The following ERC1 variants were observed in gnomAD, a reference collection of about 807,000 sequenced individuals.
ERC1 encodes the protein RAB6 interacting protein 2.
Under a neutral mutation model 132.0 loss-of-function variants are expected in ERC1, and 56 were observed. That is an observed-to-expected ratio of 0.42 (90% CI 0.34 to 0.53). The LOEUF (loss-of-function observed/expected upper bound fraction) is 0.53, where lower values mean the gene tolerates loss of function less well. Ranked by LOEUF, ERC1 falls within the 20% of genes least tolerant of loss-of-function variation. The probability of loss-of-function intolerance (pLI) is 0.03; values close to 1 mark genes in which losing one functional copy is unlikely to be tolerated. For missense variants in ERC1, 1,202 were observed against 1,349.9 expected (o/e 0.89, Z 1.72); for synonymous variants, 478 against 476.1 (o/e 1.00, Z -0.05).
At chr12:1,155,878 TAAATAA>T (rs1196397655) in intron 8 of ERC1, among the ~76,000 whole-genome samples, 3 of 151,662 alleles carry the variant, frequency 2.0e-5, no homozygotes, top group African/African-American at 7.3e-5. Context: ...AAAAAATAAA[TAAATAA>T]AAATAAAAAT....
chr12:1,405,620 T>G (rs1443110595), intron 16 of ERC1, among the ~76,000 whole-genome samples: 1 of 152,134 alleles, frequency 6.6e-6, no homozygotes, highest in Non-Finnish European at 1.5e-5. Context: ...GGAGAATCAC[T>G]TGAACCCAGG....
chr12:1,060,175 C>CTTTTTTTTTTTTTTTTTT (rs563850203), intron 2 of ERC1, among the ~76,000 whole-genome samples: 2 of 144,168 alleles, frequency 1.4e-5, no homozygotes, highest in Non-Finnish European at 1.5e-5. Flanking sequence ...AAGGCCACTT[C>CTTTTTTTTTTTTTTTTTT]TTTTTTTTTT....
chr12:1,315,052 G>GTTTA (rs746330133), intron 15 of ERC1, among the ~76,000 whole-genome samples: 14 of 151,978 alleles, frequency 9.2e-5, no homozygotes, highest in Non-Finnish European at 1.9e-4. Flanking sequence ...TTATTTATTT[G>GTTTA]TTTATTTATT....
chr12:1,062,294 T>C (rs1248078169), intron 2 of ERC1, among the ~76,000 whole-genome samples: 4 of 152,080 alleles, frequency 2.6e-5, no homozygotes, highest in Non-Finnish European at 5.9e-5. Context: ...TTCTTTTCTT[T>C]TTTTGAAAAT....
At chr12:1,135,155 G>A (rs143027012) in intron 7 of ERC1, among the ~76,000 whole-genome samples, 634 of 152,266 alleles carry the variant, frequency 4.2e-3, no homozygotes, top group Admixed American at 9.1e-3. Flanking sequence ...TTGCCCAAAG[G>A]GGGCTTGGGA....
At chr12:1,243,766 G>A (rs2075984573) in intron 13 of ERC1, among the ~76,000 whole-genome samples, 1 of 152,142 alleles carries the variant, frequency 6.6e-6, no homozygotes, top group African/African-American at 2.4e-5. Flanking sequence ...TCTCCGGATA[G>A]CCCCCACGGC....
intron 18 of ERC1, among the ~76,000 whole-genome samples, chr12:1,460,205 A>G (rs2093617578): frequency 1.3e-5 from 2 of 152,226 alleles, no homozygotes; most frequent in Non-Finnish European, 2.9e-5. Flanking sequence ...ACTTTCTGGT[A>G]TAAGATGTTC....
intron 15 of ERC1, among the ~76,000 whole-genome samples, chr12:1,314,676 A>T (rs779837521): frequency 6.6e-6 from 1 of 152,238 alleles, no homozygotes; most frequent in Non-Finnish European, 1.5e-5. Context: ...CTTTCTAAGA[A>T]GTAAATATGT....
chr12:1,484,821 G>A (rs942941904), intron 18 of ERC1, among the ~76,000 whole-genome samples: 5 of 151,910 alleles, frequency 3.3e-5, no homozygotes, highest in Non-Finnish European at 7.4e-5. Flanking sequence ...ACCTCGTGAT[G>A]CGCCTGCCAC....
intron 8 of ERC1, among the ~76,000 whole-genome samples, chr12:1,164,327 T>TTTATTTTATG (rs1394093654): frequency 4.9e-5 from 7 of 144,042 alleles, no homozygotes; most frequent in African/African-American, 1.5e-4. Context: ...ATTTTGTTAT[T>TTTATTTTATG]TTATTTTATG....
intron 15 of ERC1, among the ~76,000 whole-genome samples, chr12:1,304,938 C>G (rs561976535): frequency 6.6e-6 from 1 of 151,144 alleles, no homozygotes; most frequent in African/African-American, 2.4e-5. Flanking sequence ...TACAGGCGCC[C>G]GCCCCCACGC....
At chr12:1,167,899 G>A (rs55982053) in intron 8 of ERC1, among the ~76,000 whole-genome samples, 4,678 of 151,576 alleles carry the variant, frequency 0.031, 249 homozygotes, top group African/African-American at 0.11. Flanking sequence ...TATTTTTACT[G>A]CAGACGGGGT....
chr12:1,432,452 A>G (rs1419269156), intron 17 of ERC1, among the ~76,000 whole-genome samples: 1 of 152,220 alleles, frequency 6.6e-6, no homozygotes, highest in African/African-American at 2.4e-5. Context: ...GGTGAGGCCA[A>G]GCATGTGGTG....
intron 16 of ERC1, among the ~76,000 whole-genome samples, chr12:1,395,925 A>G (rs530470167): frequency 6.2e-4 from 91 of 146,150 alleles, no homozygotes; most frequent in Non-Finnish European, 1.2e-3. Flanking sequence ...GAAAAACTAC[A>G]TGGAGTCTTA....
chr12:1,205,650 G>A (rs1957294350), intron 12 of ERC1, among the ~76,000 whole-genome samples: 1 of 152,042 alleles, frequency 6.6e-6, no homozygotes, highest in Admixed American at 6.6e-5. Context: ...TTAAAAAATA[G>A]ATTTTCCCGT....
chr12:1,213,874 G>A (rs565958046), intron 12 of ERC1, among the ~76,000 whole-genome samples: 1 of 152,052 alleles, frequency 6.6e-6, no homozygotes, highest in Admixed American at 6.6e-5. Flanking sequence ...ACTGCACTCA[G>A]CCTTGGTGAC....
At chr12:1,480,743 G>C in intron 18 of ERC1, 1 of 679,490 alleles carries the variant, frequency 1.5e-6, no homozygotes, top group South Asian at 1.5e-5. Flanking sequence ...AGGGGGTGTG[G>C]GTAGTGGGCA....
chr12:1,376,145 G>A (rs971532583), intron 16 of ERC1, among the ~76,000 whole-genome samples: 3 of 152,146 alleles, frequency 2.0e-5, no homozygotes, highest in Non-Finnish European at 4.4e-5. Flanking sequence ...GAGGAAGAAC[G>A]TATTTCTCAG....
At chr12:1,029,114 G>C (rs1435301738) in intron 2 of ERC1, among the ~76,000 whole-genome samples, 1 of 152,124 alleles carries the variant, frequency 6.6e-6, no homozygotes, top group African/African-American at 2.4e-5. Flanking sequence ...CAGCACTTGG[G>C]AGGCCGAGGT....
Sources: gnomAD v4.1 joint callset for allele counts (sites outside exome capture counted in the v4.1 genomes callset) on GRCh38, gnomAD v4.1.1 for gene constraint, MANE v1.5 for transcripts, NCBI Gene and HGNC (gene_info 2026-07-23, HGNC 2026-07-21) for gene names.